Variants in PCDH9 observed in about 807,000 individuals in gnomAD.
PCDH9 encodes the protein protocadherin 9, also known as protocadherin-9.
Under a neutral mutation model 70.6 loss-of-function variants are expected in PCDH9, and 24 were observed. The observed-to-expected ratio is 0.34, with a 90% CI of 0.25 to 0.48. The LOEUF is 0.48. Among genes scored for constraint, PCDH9 ranks in the 20% least tolerant of loss-of-function variants. The pLI is 0.99. For missense variants in PCDH9, 1,281 were observed against 1,503.6 expected, an observed-to-expected ratio of 0.85 and a Z score of 2.45; for synonymous variants, 562 against 558.5, an observed-to-expected ratio of 1.01 and a Z score of -0.09.
At chr13:66,575,259 C>A (rs1043557829) in intron 4 of PCDH9, among the ~76,000 whole-genome samples, 1 of 152,046 alleles carries the variant, frequency 6.6e-6, no homozygotes, top group East Asian at 1.9e-4. Context: ...TCCTAGCTTT[C>A]TTCTGTTTCC....
intron 4 of PCDH9, among the ~76,000 whole-genome samples, chr13:66,470,017 AT>A (rs1303363562): frequency 1.4e-4 from 21 of 152,132 alleles, no homozygotes; most frequent in African/African-American, 4.8e-4. Flanking sequence ...TCTCTGGTGA[AT>A]TCTTGAACTA....
chr13:67,144,842 A>G (rs538846247), intron 2 of PCDH9, among the ~76,000 whole-genome samples: 1 of 152,290 alleles, frequency 6.6e-6, no homozygotes, highest in Non-Finnish European at 1.5e-5. Context: ...AGCAAGATGA[A>G]TTGGGAAATG....
rs187478048 is a variant in PCDH9, at chr13:67,193,427, T to C, written c.3036+31978A>G. On this transcript the variant is annotated intron_variant, in intron 2 of 4. Coordinates refer to ENST00000377865, the MANE Select transcript of PCDH9 (RefSeq NM_203487.3). ...CCTTGTAACACAATAGTTTTTGCAG[T>C]CTTTTATCTATTTTTTTTCTCTAAT... Among the ~76,000 whole-genome samples the C allele has an allele frequency of 1.0e-3, 156 of 152,096 alleles. 1 individual carries two copies. The highest frequency in any genetic ancestry group is 3.5e-3 in the African/African-American group (144 of 41,508).
rs1221225318 is a variant in PCDH9 at position 66,803,840 on chromosome 13, T to C, written c.3138+99664A>G. Among the ~76,000 whole-genome samples the C allele has an allele frequency of 3.3e-5, 5 of 152,196 alleles. 1 individual carries two copies. In the South Asian group the frequency reaches 8.3e-4, roughly 25 times the overall value. On this transcript the variant is annotated intron_variant, in intron 3 of 4. Transcript: ENST00000377865. The stretch of plus-strand genomic sequence containing the variant: ...AGCATCTAAAAATGTGTAGCATAAC[T>C]ATGCTGGCTTATGGAATAATCCACA...
At chr13:66,317,373 A>G (rs1955673232) in intron 4 of PCDH9, among the ~76,000 whole-genome samples, 1 of 152,210 alleles carries the variant, frequency 6.6e-6, no homozygotes, top group South Asian at 2.1e-4. Flanking sequence ...TTTATAGCAT[A>G]ATATTTTTAA....
At chr13:66,500,513 G>T (rs1359545114) in intron 4 of PCDH9, among the ~76,000 whole-genome samples, 2 of 151,754 alleles carry the variant, frequency 1.3e-5, no homozygotes, top group Admixed American at 6.6e-5. Context: ...TTGTTTGTTT[G>T]TTTTTTTAAC....
intron 4 of PCDH9, among the ~76,000 whole-genome samples, chr13:66,314,541 G>A (rs948935104): frequency 1.3e-5 from 2 of 152,176 alleles, no homozygotes; most frequent in Admixed American, 6.5e-5. Flanking sequence ...ACATAAATAT[G>A]TGGATTCCCC....
chr13:66,785,014 T>C (rs2080058112), intron 3 of PCDH9, among the ~76,000 whole-genome samples: 4 of 152,116 alleles, frequency 2.6e-5, no homozygotes, highest in Admixed American at 2.6e-4. Context: ...CTACTATTAT[T>C]AAAAGTTATA....
intron 2 of PCDH9, among the ~76,000 whole-genome samples, chr13:67,161,214 G>A (rs895700116): frequency 1.3e-5 from 2 of 152,138 alleles, no homozygotes; most frequent in African/African-American, 2.4e-5. Flanking sequence ...ATAAATTTCT[G>A]TTCAAATATA....
intron 3 of PCDH9, among the ~76,000 whole-genome samples, chr13:66,796,359 T>C (rs926159545): frequency 6.6e-6 from 1 of 152,130 alleles, no homozygotes; most frequent in African/African-American, 2.4e-5. Flanking sequence ...TGGAACAACA[T>C]GTCAAGGGGA....
chr13:67,140,817 C>A (rs2087364835), intron 2 of PCDH9, among the ~76,000 whole-genome samples: 1 of 152,174 alleles, frequency 6.6e-6, no homozygotes, highest in Admixed American at 6.5e-5. Context: ...CAGCACATTT[C>A]TCTCATCATC....
chr13:66,363,504 T>C (rs949677702), intron 4 of PCDH9, among the ~76,000 whole-genome samples: 2 of 152,104 alleles, frequency 1.3e-5, no homozygotes, highest in African/African-American at 2.4e-5. Context: ...AAATAGAAGT[T>C]CAATATTTAA....
At chr13:66,518,411 A>G (rs1959840664) in intron 4 of PCDH9, among the ~76,000 whole-genome samples, 1 of 152,164 alleles carries the variant, frequency 6.6e-6, no homozygotes, top group African/African-American at 2.4e-5. Context: ...TTCCTGAATC[A>G]TCAATAAAAC....
chr13:66,712,853 T>C (rs2078814240), intron 3 of PCDH9, among the ~76,000 whole-genome samples: 1 of 152,184 alleles, frequency 6.6e-6, no homozygotes, highest in African/African-American at 2.4e-5. Flanking sequence ...ATAGAGCAAA[T>C]GGCCAAATTC....
intron 2 of PCDH9, among the ~76,000 whole-genome samples, chr13:66,966,295 A>C (rs2083434081): frequency 6.6e-6 from 1 of 152,138 alleles, no homozygotes; most frequent in South Asian, 2.1e-4. Flanking sequence ...TTCAAGTATC[A>C]AATGAGGTAA....
intron 4 of PCDH9, among the ~76,000 whole-genome samples, chr13:66,310,556 A>G (rs758777167): frequency 1.2e-4 from 18 of 152,020 alleles, no homozygotes; most frequent in Non-Finnish European, 2.2e-4. Flanking sequence ...CGACCTTTCA[A>G]TCTCATTATT....
At chr13:66,942,263 A>T (rs2139684550) in intron 2 of PCDH9, among the ~76,000 whole-genome samples, 1 of 152,058 alleles carries the variant, frequency 6.6e-6, no homozygotes. Flanking sequence ...TAGTTTAGAA[A>T]AAAATAGCAA....
intron 4 of PCDH9, among the ~76,000 whole-genome samples, chr13:66,584,191 C>G (rs2076932546): frequency 6.6e-6 from 1 of 152,124 alleles, no homozygotes; most frequent in African/African-American, 2.4e-5. Context: ...TTATTAGATA[C>G]AGTAGAAACT....
chr13:66,497,440 G>A (rs923208678), intron 4 of PCDH9, among the ~76,000 whole-genome samples: 8 of 152,172 alleles, frequency 5.3e-5, no homozygotes, highest in South Asian at 4.1e-4. Context: ...AGCATTTTGC[G>A]AAATCCTACT....
Sources: allele counts gnomAD v4.1 joint callset (sites outside exome capture counted in the v4.1 genomes callset), GRCh38; gene constraint gnomAD v4.1.1; transcripts MANE v1.5; gene names NCBI Gene and HGNC (gene_info 2026-07-23, HGNC 2026-07-21).